Variants in RNF150 observed in about 807,000 individuals in gnomAD.
RNF150 encodes the protein ring finger protein 150.
In RNF150, 24 loss-of-function variants were observed where a neutral mutation model predicts 39.3. The ratio of observed to expected loss-of-function variants is 0.61; its 90% CI spans 0.44 to 0.86. The LOEUF is 0.86. Among genes scored for constraint, RNF150 ranks in the 40% least tolerant of loss-of-function variants. The pLI is 0.00. For synonymous variants in RNF150, 255 were observed against 227.3 expected, an observed-to-expected ratio of 1.12 and a Z score of -1.10; for missense variants, 502 against 587.8, an observed-to-expected ratio of 0.85 and a Z score of 1.51.
chr4:141,184,263 G>T (rs1301604388), intron 1 of RNF150, among the ~76,000 whole-genome samples: 1 of 152,228 alleles, frequency 6.6e-6, no homozygotes, highest in Non-Finnish European at 1.5e-5. Flanking sequence ...GACCAGTAAT[G>T]ATGAGCCTTT....
intron 1 of RNF150, among the ~76,000 whole-genome samples, chr4:141,025,948 A>C (rs920884165): frequency 1.3e-5 from 2 of 152,142 alleles, no homozygotes; most frequent in African/African-American, 4.8e-5. Flanking sequence ...ACAAGAGTGG[A>C]GCCGTCATGA....
chr4:140,877,611 G>T (rs1345691625), intron 6 of RNF150, among the ~76,000 whole-genome samples: 2 of 152,222 alleles, frequency 1.3e-5, no homozygotes, highest in Admixed American at 6.5e-5. Context: ...CTGCTGATGA[G>T]CAGTGTGGAG....
rs1201887600 is a variant in RNF150 at position 140,863,076 on chromosome 4, CAG to C, written c.*5183_*5184del. 2 of 152,146 alleles carry C rather than the reference CAG, an allele frequency of 1.3e-5. No individual in the cohort carries two copies. The highest frequency in any genetic ancestry group is 2.9e-5 in the Non-Finnish European group (2 of 68,050). 9.4% of individuals were successfully genotyped at this position (152,146 alleles called of 1,614,324 possible). A position where few individuals can be genotyped will look rare whatever the true frequency, so the allele number is the denominator to read the frequency against. ...GGGTAGTCTCTTCGTGTCTCTTTGT[CAG>C]TCTTCAGGAATTAGTGGCCCTCAGA... On this transcript the variant is annotated 3_prime_UTR_variant, in exon 7 of 7. Coordinates refer to ENST00000515673, the MANE Select transcript of RNF150 (RefSeq NM_020724.2).
rs1016120542 is a variant in RNF150, at chr4:140,861,688, T to C, written c.*6573A>G. 1.3e-5 allele frequency: 2 copies of C among 152,252 alleles called. No homozygotes were observed. The highest frequency in any genetic ancestry group is 4.8e-5 in the African/African-American group (2 of 41,466). The allele number at this position is 152,252 out of a possible 1,614,324, so 9.4% of individuals were successfully genotyped here. A position where few individuals can be genotyped will look rare whatever the true frequency, so the allele number is the denominator to read the frequency against. On this transcript the variant is annotated 3_prime_UTR_variant, in exon 7 of 7. Coordinates refer to ENST00000515673, the MANE Select transcript of RNF150 (RefSeq NM_020724.2). Reference sequence around the variant, plus strand: ...CATTAGTACAGGCAACAGTTTTGTATCTTCTTCGAAAGAGCAGGATATACT... The same window carrying C: ...CATTAGTACAGGCAACAGTTTTGTACCTTCTTCGAAAGAGCAGGATATACT...
At chr4:141,069,879 T>C (rs1238105826) in intron 1 of RNF150, among the ~76,000 whole-genome samples, 2 of 152,198 alleles carry the variant, frequency 1.3e-5, no homozygotes, top group Non-Finnish European at 2.9e-5. Flanking sequence ...TGATGGTAGT[T>C]TGTATTTGTG....
chr4:141,002,596 C>T (rs560423052), intron 1 of RNF150, among the ~76,000 whole-genome samples: 19 of 130,098 alleles, frequency 1.5e-4, no homozygotes, highest in Non-Finnish European at 2.1e-4. Flanking sequence ...AAAAATAATA[C>T]CATTTGGCCT....
intron 4 of RNF150, among the ~76,000 whole-genome samples, chr4:140,933,792 TG>T: frequency 6.6e-6 from 1 of 152,322 alleles, no homozygotes. Flanking sequence ...CATCTTTCTA[TG>T]TCTCCTATAC....
intron 1 of RNF150, among the ~76,000 whole-genome samples, chr4:141,021,382 A>C (rs557982147): frequency 3.4e-4 from 51 of 152,036 alleles, no homozygotes; most frequent in African/African-American, 1.2e-3. Flanking sequence ...TACCAAACGG[A>C]AAAAAAACAC....
chr4:141,177,852 G>A (rs1013194217), intron 1 of RNF150, among the ~76,000 whole-genome samples: 1 of 151,872 alleles, frequency 6.6e-6, no homozygotes, highest in Non-Finnish European at 1.5e-5. Context: ...GTTTGTTTTT[G>A]TTTACTTTTA....
chr4:140,972,078 C>T (rs1733488961), intron 1 of RNF150, among the ~76,000 whole-genome samples: 1 of 152,028 alleles, frequency 6.6e-6, no homozygotes. Context: ...TCTATTTGTA[C>T]ACTTAATATC....
At chr4:140,969,087 T>G (rs750592329) in intron 1 of RNF150, among the ~76,000 whole-genome samples, 8 of 152,082 alleles carry the variant, frequency 5.3e-5, no homozygotes, top group South Asian at 2.1e-4. Flanking sequence ...ATTCACATGT[T>G]GAGGTCAGTT....
chr4:141,053,758 GA>G, intron 1 of RNF150: 2 of 1,277,332 alleles, frequency 1.6e-6, no homozygotes, highest in Non-Finnish European at 2.0e-6. Context: ...AAATGAAAAA[GA>G]AAACGAGATA....
intron 6 of RNF150, among the ~76,000 whole-genome samples, chr4:140,872,868 G>A (rs1729002648): frequency 6.6e-6 from 1 of 152,188 alleles, no homozygotes; most frequent in Non-Finnish European, 1.5e-5. Context: ...ACTTGAGTCT[G>A]GAGTTTAGAG....
chr4:141,186,254 C>T (rs921926410), intron 1 of RNF150, among the ~76,000 whole-genome samples: 17 of 152,134 alleles, frequency 1.1e-4, no homozygotes, highest in South Asian at 2.1e-4. Flanking sequence ...CCTGGTTAAT[C>T]TTGAGAAGGT....
At position 140,999,968 on chromosome 4, in the gene RNF150, A is replaced by C. The variant is rs1417299603; in HGVS notation, c.485-32095T>G. ...AAGAAGAAGAAGAAGAAGAAGAAGA[A>C]GAAGAAGAAAAGAAGAAAAGAAGAA... On this transcript the variant is annotated intron_variant, in intron 1 of 6. Coordinates refer to ENST00000515673, the MANE Select transcript of RNF150 (RefSeq NM_020724.2). Among the ~76,000 whole-genome samples, 33 of 30,464 alleles carry C rather than the reference A, an allele frequency of 1.1e-3. 1 individual carries two copies. The East Asian group carries it at 0.023, about 21-fold the overall frequency. 20.0% of individuals were successfully genotyped at this position (30,464 alleles called of 152,430 possible).
rs1560678712 is a variant in RNF150, at chr4:140,999,988, G to GA, written c.485-32116dup. Among the ~76,000 whole-genome samples, 41 of 28,234 alleles carry GA rather than the reference G, an allele frequency of 1.5e-3. 6 individuals are homozygous for GA. The highest frequency in any genetic ancestry group is 2.8e-3 in the African/African-American group (38 of 13,608). The allele number at this position is 28,234 out of a possible 152,430, so 18.5% of individuals were successfully genotyped here. A position where few individuals can be genotyped will look rare whatever the true frequency, so the allele number is the denominator to read the frequency against. ...GAAGAAGAAGAAGAAAAGAAGAAAA[G>GA]AAGAAAAGAAGAAGAAGAAGAAGAA... On this transcript the variant is annotated intron_variant, in intron 1 of 6. Coordinates refer to ENST00000515673, the MANE Select transcript of RNF150 (RefSeq NM_020724.2).
At position 141,026,958 on chromosome 4, in the gene RNF150, G is replaced by A. The variant is rs149800277; in HGVS notation, c.485-59085C>T. On this transcript the variant is annotated intron_variant, in intron 1 of 6. Transcript: ENST00000515673. ...TGAGGAGTAATGCCTCTTGGCTTCA[G>A]ATGTGGCCACATGAAGCTATGAGGT... 1.4e-3 allele frequency among the ~76,000 whole-genome samples: 211 copies of A among 152,308 alleles called. No homozygotes were observed. In the Middle Eastern group the frequency reaches 0.027, roughly 20 times the overall value.
chr4:140,999,550 A>C (rs532253778), intron 1 of RNF150, among the ~76,000 whole-genome samples: 1 of 152,194 alleles, frequency 6.6e-6, no homozygotes, highest in African/African-American at 2.4e-5. Context: ...GCTTGTTACA[A>C]AAAGTTGGGG....
chr4:141,000,026 GA>G (rs1560679079), intron 1 of RNF150, among the ~76,000 whole-genome samples: 1 of 32,300 alleles, frequency 3.1e-5, no homozygotes, highest in Non-Finnish European at 8.4e-5. Context: ...AGAAGAAGAA[GA>G]AGAAGAAGAA....
Sources: gnomAD v4.1 joint callset for allele counts (sites outside exome capture counted in the v4.1 genomes callset) on GRCh38, gnomAD v4.1.1 for gene constraint, MANE v1.5 for transcripts, NCBI Gene and HGNC (gene_info 2026-07-23, HGNC 2026-07-21) for gene names.